Variants in PARD3B observed in about 807,000 individuals in gnomAD.
PARD3B encodes partitioning defective 3 homolog B.
In PARD3B, 103 loss-of-function variants were observed where a neutral mutation model predicts 130.2. The ratio of observed to expected loss-of-function variants is 0.79; its 90% CI spans 0.67 to 0.93. PARD3B has a LOEUF of 0.93. PARD3B is among the 40% of genes least tolerant of loss of function. The pLI is 0.00. For synonymous variants in PARD3B, 583 were observed against 553.2 expected (o/e 1.05, Z -0.76); for missense variants, 1,609 against 1,499.2 (o/e 1.07, Z -1.21).
At chr2:204,647,550 A>G (rs2035317241) in intron 1 of PARD3B, among the ~76,000 whole-genome samples, 1 of 151,964 alleles carries the variant, frequency 6.6e-6, no homozygotes, top group East Asian at 1.9e-4. Context: ...TAAGACTGGA[A>G]GAAAAATGGC....
At chr2:204,553,467 C>G (rs1042908122) in intron 1 of PARD3B, among the ~76,000 whole-genome samples, 1 of 151,000 alleles carries the variant, frequency 6.6e-6, no homozygotes, top group African/African-American at 2.4e-5. Context: ...TAGCAGCACA[C>G]TTTGCAACTG....
intron 2 of PARD3B, among the ~76,000 whole-genome samples, chr2:204,922,629 G>A (rs1412092380): frequency 2.0e-5 from 3 of 151,826 alleles, no homozygotes; most frequent in Admixed American, 6.6e-5. Context: ...AAGGGAAGTA[G>A]GAAGACCATT....
intron 15 of PARD3B, among the ~76,000 whole-genome samples, chr2:205,209,646 T>C (rs1294190230): frequency 6.6e-6 from 1 of 151,666 alleles, no homozygotes; most frequent in Admixed American, 6.6e-5. Context: ...TTAAATGAAG[T>C]TTAGCAGTTT....
intron 3 of PARD3B, among the ~76,000 whole-genome samples, chr2:205,039,012 C>T (rs1316707042): frequency 6.6e-6 from 1 of 152,008 alleles, no homozygotes; most frequent in Non-Finnish European, 1.5e-5. Context: ...ACTCCTGCGG[C>T]GAAAGTGATC....
chr2:204,686,177 A>G lies in PARD3B; in HGVS notation c.121-4A>G, dbSNP rs1011233793. The G allele has an allele frequency of 6.3e-6, 10 of 1,591,588 alleles. No homozygotes were observed. Among genetic ancestry groups the G allele is most frequent in the African/African-American group, 5.4e-5 (4 of 74,390 alleles). ...TCATTAAACTTGTGTTTGTTCTACTATAGGGTCCTGGTTACTGGGTGAAGA... is the reference window on the plus strand; with the variant it reads ...TCATTAAACTTGTGTTTGTTCTACTGTAGGGTCCTGGTTACTGGGTGAAGA... On this transcript the variant is annotated splice_region_variant and splice_polypyrimidine_tract_variant and intron_variant, in intron 1 of 22. Coordinates refer to ENST00000406610, the MANE Select transcript of PARD3B (RefSeq NM_001302769.2).
rs1696571795 is a variant in PARD3B, at chr2:205,021,189, A to C, written c.395-26392A>C. Among the ~76,000 whole-genome samples, 1 of 152,112 alleles carries C rather than the reference A, an allele frequency of 6.6e-6. No individual in the cohort carries two copies. The highest frequency in any genetic ancestry group is 2.1e-4 in the South Asian group (1 of 4,826). ...AACCTGTGTAGAGGTCTGCAACTGG[A>C]AAGGATGTCCTGAAAAGCACTATTT... On this transcript the variant is annotated intron_variant, in intron 3 of 22. Coordinates refer to ENST00000406610, the MANE Select transcript of PARD3B (RefSeq NM_001302769.2). This position sits in a 1 kb window ranked among gnomAD's most constrained non-coding sequence, Gnocchi z 4.5.
At chr2:205,553,550 T>C (rs1478110117) in intron 22 of PARD3B, 147 bp downstream of exon 22, 3 of 670,476 alleles carry the variant, frequency 4.5e-6, no homozygotes, top group Non-Finnish European at 7.5e-6. Context: ...TAGTTCCATC[T>C]TCACAAATGT....
chr2:205,238,474 T>C (rs1323409670), intron 15 of PARD3B, among the ~76,000 whole-genome samples: 2 of 152,068 alleles, frequency 1.3e-5, no homozygotes, highest in African/African-American at 4.8e-5. Flanking sequence ...TGTTTAAATT[T>C]GTATAATGTA....
intron 2 of PARD3B, among the ~76,000 whole-genome samples, chr2:204,929,342 C>T (rs879855112): frequency 5.9e-5 from 9 of 152,146 alleles, no homozygotes; most frequent in African/African-American, 1.2e-4. Flanking sequence ...GTAATCTAAA[C>T]GTCAAACCCG....
At chr2:204,733,743 T>G (rs1281400268) in intron 2 of PARD3B, among the ~76,000 whole-genome samples, 4 of 151,984 alleles carry the variant, frequency 2.6e-5, no homozygotes, top group Non-Finnish European at 2.9e-5. Context: ...AGTTATACAG[T>G]CAATTACTTT....
intron 4 of PARD3B, among the ~76,000 whole-genome samples, chr2:205,075,225 T>C (rs1700968829): frequency 6.6e-6 from 1 of 152,168 alleles, no homozygotes; most frequent in African/African-American, 2.4e-5. Flanking sequence ...GATTTCACAG[T>C]GAAGGAATGT....
At chr2:205,471,037 C>G (rs1277890285) in intron 20 of PARD3B, among the ~76,000 whole-genome samples, 7 of 152,160 alleles carry the variant, frequency 4.6e-5, no homozygotes, top group African/African-American at 1.4e-4. Context: ...GTTGTGACCT[C>G]GTTCATACCC....
rs2033023541 is a variant in PARD3B, at chr2:205,142,272, TAAAG to T, written c.1435-16447_1435-16444del. ...GTGGAGAGAATCCCATTTAAATAGT[TAAAG>T]AAGGTATATGTAACATTTGATTAAT... On this transcript the variant is annotated intron_variant, in intron 10 of 22. Coordinates refer to ENST00000406610, the MANE Select transcript of PARD3B (RefSeq NM_001302769.2). The surrounding 1 kb of genome is among the most constrained non-coding windows in gnomAD (Gnocchi z 4.3). 1.3e-5 allele frequency among the ~76,000 whole-genome samples: 2 copies of T among 152,240 alleles called. No homozygotes were observed. Among genetic ancestry groups the T allele is most frequent in the South Asian group, 2.1e-4 (1 of 4,818 alleles).
At chr2:204,565,265 C>G (rs567823545) in intron 1 of PARD3B, among the ~76,000 whole-genome samples, 1 of 152,248 alleles carries the variant, frequency 6.6e-6, no homozygotes, top group South Asian at 2.1e-4. Flanking sequence ...CAAGTCAGCT[C>G]GCAACACGGA....
intron 22 of PARD3B, among the ~76,000 whole-genome samples, chr2:205,602,600 A>G (rs979042542): frequency 6.6e-6 from 1 of 152,036 alleles, no homozygotes; most frequent in African/African-American, 2.4e-5. Context: ...CAGTCTTGGG[A>G]GGGTTATGTG....
chr2:205,035,603 G>A (rs1455300452), intron 3 of PARD3B, among the ~76,000 whole-genome samples: 1 of 151,612 alleles, frequency 6.6e-6, no homozygotes, highest in African/African-American at 2.4e-5. Flanking sequence ...ACCTGGCCCT[G>A]TACCTTAGTA....
chr2:205,158,967 A>G lies in PARD3B; in HGVS notation c.1620+60A>G, dbSNP rs1206200280. 1.9e-6 allele frequency: 3 copies of G among 1,557,304 alleles called. No homozygotes were observed. The highest frequency in any genetic ancestry group is 2.6e-6 in the Non-Finnish European group (3 of 1,137,064). On this transcript the variant is annotated intron_variant, in intron 11 of 22. Transcript: ENST00000406610. The surrounding 1 kb of genome is among the most constrained non-coding windows in gnomAD (Gnocchi z 5.4). The stretch of plus-strand genomic sequence containing the variant: ...AGGCACTTGGAGATGTGACTGTTGT[A>G]CTTAGAGACTGAATGGAGAAAGTGT...
In PARD3B at chr2:205,507,808, A is replaced by C. The variant is rs372291712; in HGVS notation, c.3180+7777A>C. On this transcript the variant is annotated intron_variant, in intron 21 of 22. Transcript: ENST00000406610. ...TCTCCTGTTTATCGTTAGAAAGAAT[A>C]GATCTATTATCAAACTTAAATTTGC... is the stretch of plus-strand genomic sequence containing the variant. 4.3e-4 allele frequency among the ~76,000 whole-genome samples: 65 copies of C among 152,352 alleles called. 1 individual carries two copies. The highest frequency in any genetic ancestry group is 3.4e-3 in the Middle Eastern group (1 of 294).
intron 2 of PARD3B, among the ~76,000 whole-genome samples, chr2:204,691,302 G>C (rs1228515630): frequency 6.6e-6 from 1 of 152,024 alleles, no homozygotes; most frequent in African/African-American, 2.4e-5. Flanking sequence ...TTACTGCCAT[G>C]GTTTCATTAA....
Sources: allele counts gnomAD v4.1 joint callset (sites outside exome capture counted in the v4.1 genomes callset), GRCh38; gene constraint gnomAD v4.1.1; non-coding constraint Gnocchi (gnomAD v3.1); transcripts MANE v1.5; gene names NCBI Gene and HGNC (gene_info 2026-07-23, HGNC 2026-07-21).